The following KCND3 variants were observed in gnomAD, a reference collection of about 807,000 sequenced individuals.
The protein encoded by KCND3 is A-type voltage-gated potassium channel KCND3.
In KCND3, 9 loss-of-function variants were observed where a neutral mutation model predicts 51.1. The ratio of observed to expected loss-of-function variants is 0.18; its 90% CI spans 0.11 to 0.31. KCND3 has a LOEUF of 0.31. KCND3 is among the 10% of genes least tolerant of loss of function. The pLI is 1.00. For synonymous variants in KCND3, 349 were observed against 368.0 expected, an observed-to-expected ratio of 0.95 and a Z score of 0.59; for missense variants, 526 against 903.8, an observed-to-expected ratio of 0.58 and a Z score of 5.36.
At chr1:111,816,141 G>A (rs1480599621) in intron 2 of KCND3, among the ~76,000 whole-genome samples, 1 of 152,256 alleles carries the variant, frequency 6.6e-6, no homozygotes, top group Admixed American at 6.5e-5. Context: ...GCATTTCTGT[G>A]ACTTAGCCCA....
intron 2 of KCND3, among the ~76,000 whole-genome samples, chr1:111,904,863 A>G (rs964907560): frequency 1.3e-5 from 2 of 152,204 alleles, no homozygotes; most frequent in African/African-American, 4.8e-5. Context: ...AGGTAGACTC[A>G]GGATGCACTT....
At chr1:111,901,378 A>G (rs950128554) in intron 2 of KCND3, among the ~76,000 whole-genome samples, 2 of 152,212 alleles carry the variant, frequency 1.3e-5, no homozygotes, top group Admixed American at 6.5e-5. Context: ...TTCTACTTGG[A>G]GAGGCAAGAT....
chr1:111,808,276 C>T (rs1665671733), intron 2 of KCND3, among the ~76,000 whole-genome samples: 1 of 152,194 alleles, frequency 6.6e-6, no homozygotes, highest in Non-Finnish European at 1.5e-5. Flanking sequence ...ATTCACTTGG[C>T]CTGACGTCTG....
At chr1:111,969,103 A>G (rs908770612) in intron 2 of KCND3, among the ~76,000 whole-genome samples, 2 of 151,580 alleles carry the variant, frequency 1.3e-5, no homozygotes, top group Non-Finnish European at 1.5e-5. Context: ...TTTCGCCAGT[A>G]TGTGCTTCCC....
At chr1:111,849,300 C>T (rs1203136678) in intron 2 of KCND3, among the ~76,000 whole-genome samples, 2 of 152,266 alleles carry the variant, frequency 1.3e-5, no homozygotes, top group East Asian at 1.9e-4. Flanking sequence ...GGCCAGCCAT[C>T]AGCTGTGCCA....
At chr1:111,840,512 G>A (rs527916622) in intron 2 of KCND3, among the ~76,000 whole-genome samples, 2 of 151,572 alleles carry the variant, frequency 1.3e-5, no homozygotes, top group Non-Finnish European at 2.9e-5. Context: ...TTTAATGGGG[G>A]AAGTGTTTAG....
intron 2 of KCND3, among the ~76,000 whole-genome samples, chr1:111,852,044 A>G (rs1050944090): frequency 2.0e-5 from 3 of 152,240 alleles, no homozygotes; most frequent in Admixed American, 6.5e-5. Flanking sequence ...TGGAGGTCAC[A>G]AAATACGTGG....
intron 2 of KCND3, among the ~76,000 whole-genome samples, chr1:111,791,828 G>T (rs188766314): frequency 6.6e-6 from 1 of 152,186 alleles, no homozygotes; most frequent in Non-Finnish European, 1.5e-5. Flanking sequence ...AATCAATGAC[G>T]TATAGCTGAT....
In KCND3 at chr1:111,770,979, CCT is replaced by C. The variant is rs1663892174; in HGVS notation, c.*5096_*5097del. The C allele has an allele frequency of 6.6e-6, 1 of 151,992 alleles. No homozygotes were observed. Among genetic ancestry groups the C allele is most frequent in the African/African-American group, 2.4e-5 (1 of 41,356 alleles). The allele number at this position is 151,992 out of a possible 1,614,324, so 9.4% of individuals were successfully genotyped here. ...GACATTAATGGGGGGAAGGGTGTGA[CCT>C]CTAAGGAAAACATTACATTGGAATG... On this transcript the variant is annotated 3_prime_UTR_variant, in exon 8 of 8. Coordinates refer to ENST00000302127, the MANE Select transcript of KCND3 (RefSeq NM_001378969.1).
intron 2 of KCND3, among the ~76,000 whole-genome samples, chr1:111,883,016 T>C (rs929933899): frequency 6.6e-6 from 1 of 152,192 alleles, no homozygotes; most frequent in Non-Finnish European, 1.5e-5. Context: ...TTGCCAAGAG[T>C]TAGCCTAAAA....
intron 2 of KCND3, among the ~76,000 whole-genome samples, chr1:111,888,597 G>A (rs917453476): frequency 1.3e-5 from 2 of 149,382 alleles, no homozygotes; most frequent in Non-Finnish European, 3.0e-5. Context: ...AAGGAGAATC[G>A]CTTGAACCCA....
intron 2 of KCND3, among the ~76,000 whole-genome samples, chr1:111,866,983 G>C (rs1189711358): frequency 6.6e-6 from 1 of 152,112 alleles, no homozygotes; most frequent in Non-Finnish European, 1.5e-5. Context: ...TCCTATGTAG[G>C]CTAATAAAAA....
chr1:111,814,553 G>C (rs768717103), intron 2 of KCND3, among the ~76,000 whole-genome samples: 6 of 152,152 alleles, frequency 3.9e-5, no homozygotes, highest in Non-Finnish European at 7.4e-5. Context: ...GCACTGCCAG[G>C]GATTAACTGA....
intron 2 of KCND3, among the ~76,000 whole-genome samples, chr1:111,870,937 A>G (rs1260841721): frequency 6.6e-6 from 1 of 152,242 alleles, no homozygotes; most frequent in Non-Finnish European, 1.5e-5. Context: ...ACATCCACAC[A>G]TAGGGGGATG....
chr1:111,798,340 C>A (rs1457913758), intron 2 of KCND3, among the ~76,000 whole-genome samples: 2 of 152,190 alleles, frequency 1.3e-5, no homozygotes, highest in Non-Finnish European at 2.9e-5. Flanking sequence ...TTTCCAGATG[C>A]TGTTCAAATG....
rs1196203715 is a variant in KCND3 at position 111,873,989 on chromosome 1, C to T, written c.1107-86883G>A. Among the ~76,000 whole-genome samples the T allele has an allele frequency of 3.3e-5, 5 of 152,226 alleles. No homozygotes were observed. The East Asian group carries it at 7.7e-4, about 24-fold the overall frequency. On this transcript the variant is annotated intron_variant, in intron 2 of 7. Coordinates refer to ENST00000302127, the MANE Select transcript of KCND3 (RefSeq NM_001378969.1). ...CTCGATTATACCCAGGTGGATTACA[C>T]ACTGGGCGAGTCATCTGTAGAAATG...
chr1:111,934,786 C>T (rs1008634296), intron 2 of KCND3, among the ~76,000 whole-genome samples: 4 of 152,152 alleles, frequency 2.6e-5, no homozygotes, highest in African/African-American at 9.7e-5. Flanking sequence ...TCTAGCAGTT[C>T]GGTGAATTTG....
intron 2 of KCND3, among the ~76,000 whole-genome samples, chr1:111,898,211 C>G (rs758068894): frequency 6.8e-6 from 1 of 148,076 alleles, no homozygotes; most frequent in Admixed American, 6.6e-5. Flanking sequence ...GTGAAGGACT[C>G]TATTCATTTT....
intron 2 of KCND3, among the ~76,000 whole-genome samples, chr1:111,871,798 G>C (rs1387385054): frequency 2.0e-5 from 3 of 152,200 alleles, no homozygotes; most frequent in Non-Finnish European, 4.4e-5. Flanking sequence ...AGGAAAGGAG[G>C]AACAAAAGGA....
Sources: gnomAD v4.1 joint callset for allele counts (sites outside exome capture counted in the v4.1 genomes callset) on GRCh38, gnomAD v4.1.1 for gene constraint, MANE v1.5 for transcripts, NCBI Gene and HGNC (gene_info 2026-07-23, HGNC 2026-07-21) for gene names.